The following ETFA variants were observed in gnomAD, a reference collection of about 807,000 sequenced individuals.
The protein encoded by ETFA is electron transfer flavoprotein subunit alpha, mitochondrial.
Under a neutral mutation model 46.2 loss-of-function variants are expected in ETFA, and 22 were observed. The observed-to-expected ratio is 0.48, with a 90% CI of 0.34 to 0.68. ETFA has a LOEUF of 0.68. ETFA is among the 30% of genes least tolerant of loss of function. The probability of loss-of-function intolerance (pLI) is 0.01; values close to 1 mark genes in which losing one functional copy is unlikely to be tolerated. For missense variants in ETFA, 345 were observed against 401.1 expected, an observed-to-expected ratio of 0.86 and a Z score of 1.19; for synonymous variants, 131 against 139.9, an observed-to-expected ratio of 0.94 and a Z score of 0.45.
chr15:76,265,307 C>G (rs576451691), intron 9 of ETFA, among the ~76,000 whole-genome samples: 1 of 152,186 alleles, frequency 6.6e-6, no homozygotes, highest in Admixed American at 6.5e-5. Flanking sequence ...TCCTCGACTC[C>G]GTGGTCTGCC....
intron 1 of ETFA, among the ~76,000 whole-genome samples, chr15:76,306,184 T>C (rs953621381): frequency 6.6e-6 from 1 of 151,918 alleles, no homozygotes; most frequent in Non-Finnish European, 1.5e-5. Context: ...GTAAGAATGA[T>C]TGTAACCTAT....
chr15:76,296,253 T>C (rs1295361897), intron 1 of ETFA, among the ~76,000 whole-genome samples: 3 of 152,154 alleles, frequency 2.0e-5, no homozygotes, highest in African/African-American at 7.2e-5. Flanking sequence ...GGCCTACTAA[T>C]ATTCTTATCT....
At chr15:76,244,940 T>G (rs537748977) in intron 9 of ETFA, among the ~76,000 whole-genome samples, 42 of 152,302 alleles carry the variant, frequency 2.8e-4, no homozygotes, top group African/African-American at 1.0e-3. Flanking sequence ...TGATAATGGA[T>G]AAAGAACTTC....
At chr15:76,275,290 A>C (rs891514399) in intron 8 of ETFA, among the ~76,000 whole-genome samples, 2 of 152,168 alleles carry the variant, frequency 1.3e-5, no homozygotes, top group Non-Finnish European at 2.9e-5. Context: ...GCGAAACTTA[A>C]GTTATATTAA....
rs34111559 is a variant in ETFA at position 76,310,369 on chromosome 15, G to GAAAAAAAAAAAAAAAAAAAAAAAA, written c.39+980_39+981insTTTTTTTTTTTTTTTTTTTTTTTT. ...GTGGATGGGAAAATATCCATGCCCA[G>GAAAAAAAAAAAAAAAAAAAAAAAA]AAAAAAAAAAAAAAAAAAAAAAAGG... is the stretch of plus-strand genomic sequence containing the variant. On this transcript the variant is annotated intron_variant, in intron 1 of 11. Transcript: ENST00000557943. Among the ~76,000 whole-genome samples, 6 of 104,462 alleles carry GAAAAAAAAAAAAAAAAAAAAAAAA rather than the reference G, an allele frequency of 5.7e-5. 1 individual carries two copies. Among genetic ancestry groups the GAAAAAAAAAAAAAAAAAAAAAAAA allele is most frequent in the South Asian group, 6.1e-4 (2 of 3,286 alleles). The allele number at this position is 104,462 out of a possible 152,430, so 68.5% of individuals were successfully genotyped here. A position where few individuals can be genotyped will look rare whatever the true frequency, so the allele number is the denominator to read the frequency against.
chr15:76,235,903 C>A (rs1356012249), intron 9 of ETFA, among the ~76,000 whole-genome samples: 2 of 152,218 alleles, frequency 1.3e-5, no homozygotes, highest in Non-Finnish European at 2.9e-5. Flanking sequence ...TTAGACAAAA[C>A]AAGCTTTTAA....
At chr15:76,309,479 A>G (rs1461920756) in intron 1 of ETFA, among the ~76,000 whole-genome samples, 1 of 152,208 alleles carries the variant, frequency 6.6e-6, no homozygotes, top group African/African-American at 2.4e-5. Context: ...AACAAAAAAA[A>G]CAGCTATTCT....
intron 10 of ETFA, chr15:76,228,760 T>A (rs1331936849): frequency 6.1e-6 from 1 of 162,814 alleles, no homozygotes; most frequent in South Asian, 1.5e-4. Context: ...ACTTTTTTTT[T>A]TTTTTTTTTT....
chr15:76,293,647 G>A (rs956005370), intron 2 of ETFA, among the ~76,000 whole-genome samples: 5 of 152,068 alleles, frequency 3.3e-5, no homozygotes, highest in Non-Finnish European at 7.4e-5. Context: ...TCATACTATC[G>A]TCTTCTGTCT....
rs542647101 is a variant in ETFA, at chr15:76,292,020, A to C, written c.351+411T>G. On this transcript the variant is annotated intron_variant, in intron 4 of 11. Transcript: ENST00000557943. ...CTTTACCTTAAGGATGTCTTCAACC[A>C]CCACAAGCCCTTTCCAAATTCCCTA... 3.9e-5 allele frequency among the ~76,000 whole-genome samples: 6 copies of C among 152,250 alleles called. 1 individual carries two copies. Among genetic ancestry groups the C allele is most frequent in the African/African-American group, 1.4e-4 (6 of 41,546 alleles).
At chr15:76,288,007 CA>C (rs2039718664) in intron 4 of ETFA, 62 bp from the exon 5 acceptor site, 1 of 1,007,950 alleles carries the variant, frequency 9.9e-7, no homozygotes, top group Non-Finnish European at 1.6e-6. Flanking sequence ...TATAAATGAT[CA>C]GTAATGACAT....
intron 1 of ETFA, among the ~76,000 whole-genome samples, chr15:76,303,361 C>A (rs2039900130): frequency 2.0e-5 from 3 of 152,040 alleles, no homozygotes. Context: ...ACTATAAAAA[C>A]CCAAGAAGAA....
Position 76,215,375 on chromosome 15 carries a change from T to C in ETFA, c.*1184A>G, listed in dbSNP as rs374236410. ...AGATACAACTTTTAAAAGTGTTTTATAGCAACTGATTGTGACACAAATCAG... is the reference window on the plus strand; with the variant it reads ...AGATACAACTTTTAAAAGTGTTTTACAGCAACTGATTGTGACACAAATCAG... On this transcript the variant is annotated 3_prime_UTR_variant, in exon 12 of 12. Transcript: ENST00000557943. 7 of 152,194 alleles carry C rather than the reference T, an allele frequency of 4.6e-5. No homozygotes were observed. The highest frequency in any genetic ancestry group is 1.3e-4 in the Admixed American group (2 of 15,282). The allele number at this position is 152,194 out of a possible 1,614,324, so 9.4% of individuals were successfully genotyped here. A position where few individuals can be genotyped will look rare whatever the true frequency, so the allele number is the denominator to read the frequency against.
chr15:76,264,667 A>G (rs2141501272), intron 9 of ETFA, among the ~76,000 whole-genome samples: 1 of 152,356 alleles, frequency 6.6e-6, no homozygotes. Flanking sequence ...GCTATTAGAC[A>G]CCTGAGAGGG....
At chr15:76,258,269 G>A (rs1444457481) in intron 9 of ETFA, among the ~76,000 whole-genome samples, 11 of 152,026 alleles carry the variant, frequency 7.2e-5, no homozygotes, top group African/African-American at 1.9e-4. Context: ...AGCCTCACTC[G>A]CTCTTGGGCA....
intron 10 of ETFA, chr15:76,228,103 A>T (rs1596189468): frequency 2.6e-6 from 1 of 388,938 alleles, no homozygotes; most frequent in East Asian, 7.2e-5. Context: ...ATTGATGGTA[A>T]ATTATTCTTC....
At chr15:76,290,110 A>T (rs2039744849) in intron 4 of ETFA, among the ~76,000 whole-genome samples, 1 of 152,242 alleles carries the variant, frequency 6.6e-6, no homozygotes. Context: ...AATAGGTATC[A>T]AAATTTTTAA....
chr15:76,285,844 T>C (rs897621504), intron 6 of ETFA, 106 bp from the exon 7 acceptor site: 2 of 769,360 alleles, frequency 2.6e-6, no homozygotes, highest in African/African-American at 3.5e-5. Flanking sequence ...GAAATTTAAG[T>C]TAATTACTGT....
chr15:76,287,430 A>C (rs530090274), intron 5 of ETFA, among the ~76,000 whole-genome samples: 1 of 152,274 alleles, frequency 6.6e-6, no homozygotes, highest in East Asian at 1.9e-4. Context: ...AGCCTGCCAA[A>C]GTGCTGGGAT....
Sources: allele counts gnomAD v4.1 joint callset (sites outside exome capture counted in the v4.1 genomes callset), GRCh38; gene constraint gnomAD v4.1.1; transcripts MANE v1.5; gene names NCBI Gene and HGNC (gene_info 2026-07-23, HGNC 2026-07-21).